AP3S1: variants seen among roughly 807,000 people sequenced by gnomAD.
AP3S1 encodes the protein adaptor related protein complex 3 subunit sigma 1.
A neutral mutation model predicts 21.3 loss-of-function variants in AP3S1; 12 were observed. That is an observed-to-expected ratio of 0.56 (90% CI 0.36 to 0.91). AP3S1 has a LOEUF of 0.91. Ranked by LOEUF, AP3S1 falls within the 40% of genes least tolerant of loss-of-function variation. AP3S1 has a pLI of 0.01. For missense variants in AP3S1, 116 were observed against 225.0 expected, an observed-to-expected ratio of 0.52 and a Z score of 3.10; for synonymous variants, 48 against 78.4, an observed-to-expected ratio of 0.61 and a Z score of 2.05.
intron 3 of AP3S1, among the ~76,000 whole-genome samples, chr5:115,879,712 G>T (rs1189358967): frequency 6.6e-6 from 1 of 152,078 alleles, no homozygotes; most frequent in Non-Finnish European, 1.5e-5. Context: ...GATGATGATG[G>T]CCTCAAAAAA....
chr5:115,851,405 A>G (rs1762430298), intron 1 of AP3S1, among the ~76,000 whole-genome samples: 1 of 152,214 alleles, frequency 6.6e-6, no homozygotes, highest in African/African-American at 2.4e-5. Flanking sequence ...GAAGCGGCAC[A>G]TCATTTTCCA....
At chr5:115,877,340 A>G (rs530872406) in intron 3 of AP3S1, among the ~76,000 whole-genome samples, 2 of 152,190 alleles carry the variant, frequency 1.3e-5, no homozygotes, top group Admixed American at 6.5e-5. Flanking sequence ...TTCTAATGCT[A>G]TCCCTCCCCT....
chr5:115,852,359 T>C (rs892712735), intron 1 of AP3S1, among the ~76,000 whole-genome samples: 1 of 152,154 alleles, frequency 6.6e-6, no homozygotes, highest in Admixed American at 6.5e-5. Context: ...AGAAAAGTTC[T>C]GTAAGAAGAC....
chr5:115,903,480 T>C (rs77463231), intron 5 of AP3S1: 6,668 of 152,818 alleles, frequency 0.044, 194 homozygotes, highest in Non-Finnish European at 0.069. Flanking sequence ...GAGTTCACAT[T>C]CAAAAAAGAA....
intron 5 of AP3S1, chr5:115,908,995 G>A (rs1012036699): frequency 4.0e-5 from 39 of 984,252 alleles, no homozygotes; most frequent in Middle Eastern, 1.0e-3. Flanking sequence ...AATTATGAAT[G>A]TGCATATAGC....
chr5:115,874,789 C>T (rs567561776), intron 3 of AP3S1, among the ~76,000 whole-genome samples: 31 of 151,862 alleles, frequency 2.0e-4, no homozygotes, highest in African/African-American at 7.5e-4. Flanking sequence ...ACTTTACATG[C>T]TTGTTTCAAC....
chr5:115,854,489 A>G (rs1039212039), intron 1 of AP3S1, among the ~76,000 whole-genome samples: 2 of 152,176 alleles, frequency 1.3e-5, no homozygotes, highest in African/African-American at 2.4e-5. Flanking sequence ...GGATACTGCT[A>G]TCCTGATTGC....
intron 3 of AP3S1, among the ~76,000 whole-genome samples, chr5:115,891,341 C>A (rs1412763870): frequency 1.3e-5 from 2 of 152,042 alleles, no homozygotes; most frequent in African/African-American, 4.8e-5. Flanking sequence ...TGCTGGGTGT[C>A]CTGTAATTCA....
chr5:115,910,348 C>T (rs1180884397), intron 5 of AP3S1, among the ~76,000 whole-genome samples: 1 of 151,328 alleles, frequency 6.6e-6, no homozygotes, highest in Non-Finnish European at 1.5e-5. Flanking sequence ...ATTTTCAGAC[C>T]ACAGTTAACC....
chr5:115,864,622 G>A (rs13157716), intron 1 of AP3S1, among the ~76,000 whole-genome samples: 5 of 152,096 alleles, frequency 3.3e-5, no homozygotes, highest in African/African-American at 7.2e-5. Context: ...GAAGAAAACC[G>A]TGTCTATATG....
intron 3 of AP3S1, among the ~76,000 whole-genome samples, chr5:115,881,696 C>A (rs934773251): frequency 1.4e-4 from 21 of 152,068 alleles, no homozygotes; most frequent in African/African-American, 5.1e-4. Context: ...TTGCTTTTCT[C>A]GAGGAGTAAC....
At chr5:115,910,316 C>T (rs1189302628) in intron 5 of AP3S1, among the ~76,000 whole-genome samples, 1 of 148,292 alleles carries the variant, frequency 6.7e-6, no homozygotes, top group East Asian at 2.0e-4. Context: ...TTCTCTATCA[C>T]AATATTGTAC....
intron 2 of AP3S1, among the ~76,000 whole-genome samples, chr5:115,868,433 A>G (rs188013274): frequency 2.6e-5 from 4 of 152,186 alleles, no homozygotes; most frequent in African/African-American, 9.6e-5. Flanking sequence ...TTTAAATTAA[A>G]CATCTTCTCT....
chr5:115,867,078 G>A (rs1763683381), intron 2 of AP3S1, among the ~76,000 whole-genome samples: 1 of 152,014 alleles, frequency 6.6e-6, no homozygotes, highest in African/African-American at 2.4e-5. Context: ...AATTTCTTGT[G>A]TATCCTTCTA....
intron 1 of AP3S1, among the ~76,000 whole-genome samples, chr5:115,848,628 C>T (rs1379822797): frequency 6.6e-6 from 1 of 152,166 alleles, no homozygotes; most frequent in African/African-American, 2.4e-5. Flanking sequence ...AGAGTTCATT[C>T]TTACCTTTAG....
intron 3 of AP3S1, among the ~76,000 whole-genome samples, chr5:115,887,260 A>G (rs889847941): frequency 6.6e-6 from 1 of 152,182 alleles, no homozygotes; most frequent in Non-Finnish European, 1.5e-5. Context: ...CTTGCTGGTG[A>G]TAAAAAAATA....
chr5:115,909,973 G>C (rs1024459178), intron 5 of AP3S1, among the ~76,000 whole-genome samples: 1 of 152,112 alleles, frequency 6.6e-6, no homozygotes, highest in Non-Finnish European at 1.5e-5. Context: ...TGCAATAAAA[G>C]TCATGTGAGG....
intron 5 of AP3S1, among the ~76,000 whole-genome samples, chr5:115,909,226 A>G (rs1329988171): frequency 1.3e-5 from 2 of 152,188 alleles, no homozygotes; most frequent in Non-Finnish European, 2.9e-5. Flanking sequence ...GGGAGCTTTC[A>G]GGGTCTTCGA....
chr5:115,895,205 C>T, intron 4 of AP3S1, 47 bp downstream of exon 4: 1 of 1,295,244 alleles, frequency 7.7e-7, no homozygotes, highest in Non-Finnish European at 1.1e-6. Flanking sequence ...AAAACATTAA[C>T]TTATAATTGT....
Sources: gnomAD v4.1 joint callset for allele counts (sites outside exome capture counted in the v4.1 genomes callset) on GRCh38, gnomAD v4.1.1 for gene constraint, MANE v1.5 for transcripts, NCBI Gene and HGNC (gene_info 2026-07-23, HGNC 2026-07-21) for gene names.